The following GPR107 variants were observed in gnomAD, a reference collection of about 807,000 sequenced individuals.
GPR107 encodes the protein G protein-coupled receptor 107.
Under a neutral mutation model 75.5 loss-of-function variants are expected in GPR107, and 31 were observed. The ratio of observed to expected loss-of-function variants is 0.41; its 90% confidence interval spans 0.31 to 0.55. GPR107 has a LOEUF of 0.55. Among genes scored for constraint, GPR107 ranks in the 20% least tolerant of loss-of-function variants. The probability of loss-of-function intolerance (pLI) is 0.26; values close to 1 mark genes in which losing one functional copy is unlikely to be tolerated. For missense variants in GPR107, 572 were observed against 665.7 expected, an observed-to-expected ratio of 0.86 and a Z score of 1.55; for synonymous variants, 267 against 251.3, an observed-to-expected ratio of 1.06 and a Z score of -0.59.
chr9:130,072,169 G>A (rs1370297870), intron 1 of GPR107, among the ~76,000 whole-genome samples: 2 of 151,318 alleles, frequency 1.3e-5, no homozygotes, highest in Non-Finnish European at 2.9e-5. Flanking sequence ...GTTTCACCAT[G>A]TTGGCCAGGC....
chr9:130,123,643 C>T (rs1434168850), intron 14 of GPR107, among the ~76,000 whole-genome samples: 2 of 150,610 alleles, frequency 1.3e-5, no homozygotes, highest in East Asian at 3.9e-4. Context: ...AGGCAGCACA[C>T]CTGGCTAATT....
At chr9:130,125,791 T>C (rs979446739) in intron 15 of GPR107, among the ~76,000 whole-genome samples, 3 of 152,086 alleles carry the variant, frequency 2.0e-5, no homozygotes, top group Non-Finnish European at 4.4e-5. Flanking sequence ...GGCTCATGCC[T>C]ATAATCCCAG....
intron 1 of GPR107, among the ~76,000 whole-genome samples, chr9:130,071,007 C>G (rs1830191901): frequency 6.7e-6 from 1 of 149,844 alleles, no homozygotes; most frequent in Non-Finnish European, 1.5e-5. Context: ...ATGAGAGTCA[C>G]CAGGCCCAGT....
intron 1 of GPR107, among the ~76,000 whole-genome samples, chr9:130,071,118 C>T (rs1483560278): frequency 6.8e-6 from 1 of 147,220 alleles, no homozygotes; most frequent in Non-Finnish European, 1.5e-5. Context: ...CCACTGCAGC[C>T]TCGACATCCT....
chr9:130,085,168 G>A (rs1387630672), intron 6 of GPR107, among the ~76,000 whole-genome samples: 3 of 152,180 alleles, frequency 2.0e-5, no homozygotes, highest in Admixed American at 2.0e-4. Context: ...GTGAAGGGTA[G>A]CCTTGGAGAA....
At chr9:130,117,261 G>T (rs1045499403) in intron 14 of GPR107, among the ~76,000 whole-genome samples, 7 of 103,260 alleles carry the variant, frequency 6.8e-5, no homozygotes, top group Non-Finnish European at 1.5e-4. Context: ...ATGTATTTTC[G>T]ATTCATTTTC....
intron 9 of GPR107, among the ~76,000 whole-genome samples, chr9:130,097,930 G>A (rs966688394): frequency 5.3e-5 from 8 of 151,734 alleles, no homozygotes; most frequent in African/African-American, 9.7e-5. Context: ...CACCCAGTCT[G>A]GAGTGCAATG....
At chr9:130,074,039 G>T (rs7022095) in intron 1 of GPR107, among the ~76,000 whole-genome samples, 136,976 of 152,194 alleles carry the variant, frequency 0.9, 62,182 homozygotes, top group East Asian at 0.97. Context: ...TTACAGGCGT[G>T]AGCCACCACG....
Position 130,112,113 on chromosome 9 carries a change from C to T in GPR107, c.1306+4574C>T, listed in dbSNP as rs929243890. Among the ~76,000 whole-genome samples, 1 of 152,234 alleles carries T rather than the reference C, an allele frequency of 6.6e-6. No homozygotes were observed. The highest frequency in any genetic ancestry group is 2.4e-5 in the African/African-American group (1 of 41,452). On this transcript the variant is annotated intron_variant, in intron 14 of 17. Coordinates refer to ENST00000347136, the MANE Select transcript of GPR107 (RefSeq NM_020960.5). This position sits in a 1 kb window ranked among gnomAD's most constrained non-coding sequence, Gnocchi z 4.0. ...ACACACCGTAAATTTAATTAACAGT[C>T]TCTGCTGCTCACCATCCTTTTTTTG... is the stretch of plus-strand genomic sequence containing the variant.
chr9:130,108,600 C>G (rs1366457609), intron 14 of GPR107, among the ~76,000 whole-genome samples: 1 of 152,210 alleles, frequency 6.6e-6, no homozygotes, highest in Non-Finnish European at 1.5e-5. Flanking sequence ...GTAACTCTTG[C>G]TCCTAGGCAG....
intron 16 of GPR107, among the ~76,000 whole-genome samples, chr9:130,128,314 CA>C (rs1831735400): frequency 6.6e-6 from 1 of 152,130 alleles, no homozygotes; most frequent in African/African-American, 2.4e-5. Flanking sequence ...AGGAAGCCAC[CA>C]AATGACTTTT....
At chr9:130,117,023 T>C in intron 14 of GPR107, among the ~76,000 whole-genome samples, 1 of 151,920 alleles carries the variant, frequency 6.6e-6, no homozygotes, top group Non-Finnish European at 1.5e-5. Flanking sequence ...CTCAGCTCAC[T>C]GCAACCTCTG....
intron 16 of GPR107, among the ~76,000 whole-genome samples, chr9:130,127,987 G>GCCACCACACTTGGCCTCCTT (rs1391200826): frequency 6.6e-6 from 1 of 152,228 alleles, no homozygotes; most frequent in East Asian, 1.9e-4. Context: ...ACAGGTGTGA[G>GCCACCACACTTGGCCTCCTT]CCACCACACT....
At chr9:130,059,827 C>T (rs1324146002) in intron 1 of GPR107, among the ~76,000 whole-genome samples, 2 of 151,610 alleles carry the variant, frequency 1.3e-5, no homozygotes, top group Non-Finnish European at 2.9e-5. Flanking sequence ...CAACCTCTGC[C>T]TCCCGGGTTC....
intron 6 of GPR107, among the ~76,000 whole-genome samples, chr9:130,084,066 A>ATATATATATATATATATG (rs1830556172): frequency 6.8e-6 from 1 of 147,838 alleles, no homozygotes; most frequent in Admixed American, 6.8e-5. Flanking sequence ...ATATATATAT[A>ATATATATATATATATATG]TATGTACACA....
At chr9:130,092,096 TC>T (rs1299607166) in intron 8 of GPR107, 151 bp from the exon 9 acceptor site, 1 of 634,594 alleles carries the variant, frequency 1.6e-6, no homozygotes, top group Non-Finnish European at 2.8e-6. Context: ...CGCCTCAGCC[TC>T]CCAAAGTGCT....
At chr9:130,066,131 C>G (rs1346100437) in intron 1 of GPR107, among the ~76,000 whole-genome samples, 2 of 151,998 alleles carry the variant, frequency 1.3e-5, no homozygotes, top group Admixed American at 1.3e-4. Flanking sequence ...GAAACCCTGT[C>G]TCTACTAAAA....
intron 13 of GPR107, among the ~76,000 whole-genome samples, chr9:130,105,660 G>T (rs560918885): frequency 1.7e-4 from 26 of 152,028 alleles, no homozygotes; most frequent in African/African-American, 6.0e-4. Context: ...CAAATGGAGA[G>T]TACTTCTCAT....
chr9:130,104,276 C>T, intron 12 of GPR107, 144 bp from the exon 13 acceptor site: 1 of 658,254 alleles, frequency 1.5e-6, no homozygotes, highest in Non-Finnish European at 2.6e-6. Context: ...TGGCAGAGTT[C>T]TGGAAGAGCA....
Sources: allele counts gnomAD v4.1 joint callset (sites outside exome capture counted in the v4.1 genomes callset), GRCh38; gene constraint gnomAD v4.1.1; non-coding constraint Gnocchi (gnomAD v3.1); transcripts MANE v1.5; gene names NCBI Gene and HGNC (gene_info 2026-07-23, HGNC 2026-07-21).